The following PALM2AKAP2 variants were observed in gnomAD, a reference collection of about 807,000 sequenced individuals.
PALM2AKAP2 encodes the protein PALM2 and AKAP2 fusion.
Under a neutral mutation model 71.5 loss-of-function variants are expected in PALM2AKAP2, and 37 were observed. That is an observed-to-expected ratio of 0.52 (90% CI 0.40 to 0.68). The LOEUF is 0.68. PALM2AKAP2 is among the 30% of genes least tolerant of loss of function. The probability of loss-of-function intolerance (pLI) is 0.00; values close to 1 mark genes in which losing one functional copy is unlikely to be tolerated. For missense variants in PALM2AKAP2, 1,224 were observed against 1,191.8 expected (o/e 1.03, Z -0.40); for synonymous variants, 468 against 478.8 (o/e 0.98, Z 0.29).
chr9:109,981,751 G>A (rs1230318251), intron 6 of PALM2AKAP2, among the ~76,000 whole-genome samples: 1 of 152,112 alleles, frequency 6.6e-6, no homozygotes, highest in African/African-American at 2.4e-5. Flanking sequence ...TCAAACTACA[G>A]TGAGAATCAT....
chr9:110,137,161 G>A (rs771354541), exon 2 of PALM2AKAP2: 3 of 1,613,620 alleles, frequency 1.9e-6, no homozygotes, highest in African/African-American at 2.7e-5. Flanking sequence ...GCGCAAGCAT[G>A]ATTGACAAAG....
chr9:110,020,838 G>A (rs1040223628), intron 7 of PALM2AKAP2, among the ~76,000 whole-genome samples: 4 of 151,952 alleles, frequency 2.6e-5, no homozygotes, highest in African/African-American at 4.8e-5. Context: ...GGCTGGGCAC[G>A]TTGGCTCATG....
At chr9:109,907,578 T>TG (rs942674623) in intron 3 of PALM2AKAP2, among the ~76,000 whole-genome samples, 1 of 152,138 alleles carries the variant, frequency 6.6e-6, no homozygotes, top group African/African-American at 2.4e-5. Flanking sequence ...GTTCAGTAGT[T>TG]GCGCCTCTGA....
At chr9:109,938,222 C>G (rs1278792126) in intron 6 of PALM2AKAP2, among the ~76,000 whole-genome samples, 1 of 152,182 alleles carries the variant, frequency 6.6e-6, no homozygotes, top group Non-Finnish European at 1.5e-5. Context: ...AATGCTTACT[C>G]ATAAAGATGA....
chr9:109,809,019 A>G (rs921787310), intron 1 of PALM2AKAP2, among the ~76,000 whole-genome samples: 1 of 152,234 alleles, frequency 6.6e-6, no homozygotes, highest in Non-Finnish European at 1.5e-5. Context: ...ATGTATGGAA[A>G]TGCCTGGATG....
At chr9:109,919,682 C>T (rs1830779221) in intron 3 of PALM2AKAP2, among the ~76,000 whole-genome samples, 1 of 149,966 alleles carries the variant, frequency 6.7e-6, no homozygotes, top group Admixed American at 6.7e-5. Flanking sequence ...CTGGCATATA[C>T]ATTATTGGGA....
chr9:109,822,240 A>G (rs10816886), intron 1 of PALM2AKAP2, among the ~76,000 whole-genome samples: 24,025 of 151,870 alleles, frequency 0.16, 2,504 homozygotes, highest in East Asian at 0.34. Flanking sequence ...TCTCTCTTTC[A>G]TCTCTCTTCC....
At chr9:110,064,738 T>C (rs1315590512) in intron 1 of PALM2AKAP2, among the ~76,000 whole-genome samples, 4 of 152,198 alleles carry the variant, frequency 2.6e-5, no homozygotes, top group Non-Finnish European at 4.4e-5. Flanking sequence ...CCTTTGCAAT[T>C]TGATGTGGAC....
chr9:109,757,236 G>A (rs935637345), intron 1 of PALM2AKAP2, among the ~76,000 whole-genome samples: 2 of 151,994 alleles, frequency 1.3e-5, no homozygotes, highest in Non-Finnish European at 2.9e-5. Flanking sequence ...TTCTGTGCCT[G>A]GATAATTTTA....
At chr9:109,928,959 G>T (rs567761857) in intron 5 of PALM2AKAP2, among the ~76,000 whole-genome samples, 1 of 151,974 alleles carries the variant, frequency 6.6e-6, no homozygotes, top group South Asian at 2.1e-4. Flanking sequence ...GAGCTACTGC[G>T]CCCAGCCCAT....
intron 7 of PALM2AKAP2, among the ~76,000 whole-genome samples, chr9:110,026,798 C>T (rs1833189038): frequency 6.6e-6 from 1 of 152,216 alleles, no homozygotes. Context: ...AATCCCAGCA[C>T]TTTGGGAGGC....
intron 1 of PALM2AKAP2, among the ~76,000 whole-genome samples, chr9:109,691,304 A>G (rs1456709028): frequency 6.6e-6 from 1 of 152,094 alleles, no homozygotes; most frequent in African/African-American, 2.4e-5. Context: ...AGTAAAGTAG[A>G]AAATTTCCTT....
At chr9:109,725,651 A>T (rs1164243086) in intron 1 of PALM2AKAP2, among the ~76,000 whole-genome samples, 1 of 152,240 alleles carries the variant, frequency 6.6e-6, no homozygotes, top group East Asian at 1.9e-4. Context: ...CTATACAGGC[A>T]TTAAAAATGA....
At chr9:109,695,173 C>T (rs1827952195) in intron 1 of PALM2AKAP2, among the ~76,000 whole-genome samples, 1 of 152,128 alleles carries the variant, frequency 6.6e-6, no homozygotes, top group Non-Finnish European at 1.5e-5. Context: ...TAACACTTGA[C>T]TATTAAAATG....
At chr9:109,682,855 CT>C (rs1165740131) in intron 1 of PALM2AKAP2, among the ~76,000 whole-genome samples, 2 of 152,144 alleles carry the variant, frequency 1.3e-5, no homozygotes, top group Non-Finnish European at 2.9e-5. Context: ...AAAAAACATA[CT>C]TATGTCCTAA....
At chr9:109,866,702 A>G (rs1457391369) in intron 1 of PALM2AKAP2, among the ~76,000 whole-genome samples, 2 of 152,156 alleles carry the variant, frequency 1.3e-5, no homozygotes, top group African/African-American at 4.8e-5. Flanking sequence ...ACGTTACATC[A>G]TCTTATTTAA....
intron 1 of PALM2AKAP2, among the ~76,000 whole-genome samples, chr9:109,816,342 G>A (rs1332235810): frequency 3.9e-5 from 6 of 152,176 alleles, no homozygotes; most frequent in Admixed American, 3.9e-4. Context: ...CATGATCTTA[G>A]GCGAAAAGAC....
intron 1 of PALM2AKAP2, among the ~76,000 whole-genome samples, chr9:109,757,167 C>T (rs73531210): frequency 0.08 from 12,140 of 152,124 alleles, 549 homozygotes; most frequent in African/African-American, 0.11. Context: ...TAATCTCTAC[C>T]TCCATGAGAT....
intron 1 of PALM2AKAP2, among the ~76,000 whole-genome samples, chr9:110,086,318 G>GT (rs774404734): frequency 3.9e-5 from 6 of 152,100 alleles, no homozygotes; most frequent in Non-Finnish European, 8.8e-5. Flanking sequence ...AGATGTCTGG[G>GT]CAGTATAAAA....
Sources: allele counts gnomAD v4.1 joint callset (sites outside exome capture counted in the v4.1 genomes callset), GRCh38; gene constraint gnomAD v4.1.1; transcripts MANE v1.5; gene names NCBI Gene and HGNC (gene_info 2026-07-23, HGNC 2026-07-21).